The following ILRUN variants were observed in gnomAD, a reference collection of about 807,000 sequenced individuals.
ILRUN encodes the protein inflammation and lipid regulator with UBA-like and NBR1-like domains.
Under a neutral mutation model 33.8 loss-of-function variants are expected in ILRUN, and 3 were observed. That is an observed-to-expected ratio of 0.09 (90% CI 0.04 to 0.23). The LOEUF (loss-of-function observed/expected upper bound fraction) is 0.23. Among genes scored for constraint, ILRUN ranks in the 10% least tolerant of loss-of-function variants. The probability of loss-of-function intolerance (pLI) is 1.00; values close to 1 mark genes in which losing one functional copy is unlikely to be tolerated. For synonymous variants in ILRUN, 124 were observed against 138.9 expected, an observed-to-expected ratio of 0.89 and a Z score of 0.75; for missense variants, 210 against 375.1, an observed-to-expected ratio of 0.56 and a Z score of 3.64.
intron 1 of ILRUN, among the ~76,000 whole-genome samples, chr6:34,667,488 C>A (rs1763028923): frequency 6.6e-6 from 1 of 152,152 alleles, no homozygotes; most frequent in African/African-American, 2.4e-5. Flanking sequence ...AGTATCAACT[C>A]AGTCAAGGAT....
intron 3 of ILRUN, 130 bp from the exon 4 acceptor site, chr6:34,607,034 C>CT (rs1306176269): frequency 2.8e-6 from 2 of 717,590 alleles, no homozygotes; most frequent in Non-Finnish European, 4.5e-6. Flanking sequence ...GTTTTAAAAG[C>CT]TTGCTAACAA....
At chr6:34,678,713 G>A (rs1763290914) in intron 1 of ILRUN, among the ~76,000 whole-genome samples, 1 of 151,384 alleles carries the variant, frequency 6.6e-6, no homozygotes, top group East Asian at 1.9e-4. Context: ...AAATTAGCCG[G>A]GTGTGGTGGC....
intron 4 of ILRUN, among the ~76,000 whole-genome samples, chr6:34,601,516 C>T (rs547391590): frequency 8.0e-4 from 122 of 152,342 alleles, no homozygotes; most frequent in Non-Finnish European, 1.2e-3. Flanking sequence ...AGGACACCAA[C>T]TACCTGCCTT....
chr6:34,605,318 C>CAAAAAAA (rs78612898), intron 4 of ILRUN, among the ~76,000 whole-genome samples: 170 of 74,008 alleles, frequency 2.3e-3, no homozygotes, highest in Middle Eastern at 8.6e-3. Flanking sequence ...AAAACAAAAA[C>CAAAAAAA]AAAAAAAAAA....
At chr6:34,633,871 T>TGGAGGGAGAGAGGGAGGGAGGGAGGGAG (rs1446856497) in intron 3 of ILRUN, among the ~76,000 whole-genome samples, 4 of 58,602 alleles carry the variant, frequency 6.8e-5, no homozygotes. Context: ...GAGGGAGACA[T>TGGAGGGAGAGAGGGAGGGAGGGAGGGAG]GGAGGGAGAG....
At chr6:34,641,649 T>C (rs1762477659) in intron 3 of ILRUN, among the ~76,000 whole-genome samples, 1 of 152,180 alleles carries the variant, frequency 6.6e-6, no homozygotes. Flanking sequence ...ACAAAAATGC[T>C]TGAAAACTAC....
At chr6:34,637,379 T>C (rs9380447) in intron 3 of ILRUN, among the ~76,000 whole-genome samples, 8,068 of 152,274 alleles carry the variant, frequency 0.053, 345 homozygotes, top group East Asian at 0.21. Flanking sequence ...TACAGAATTG[T>C]ACTTGATTTT....
intron 1 of ILRUN, among the ~76,000 whole-genome samples, chr6:34,658,774 C>T (rs1033681266): frequency 6.6e-6 from 1 of 152,084 alleles, no homozygotes; most frequent in African/African-American, 2.4e-5. Context: ...CGCCACTGCA[C>T]TCCAGCCTGG....
At position 34,696,604 on chromosome 6, in the gene ILRUN, G is replaced by T; in HGVS notation, c.-1C>A. 6.2e-7 allele frequency: 1 copy of T among 1,600,732 alleles called. No homozygotes were observed. ...CCAGGTCTACGTCCATGCCCTCCAT[G>T]GCGGGGACCGGACACCCGCTTCCCC... On this transcript the variant is annotated 5_prime_UTR_variant, in exon 1 of 5. Coordinates refer to ENST00000374023, the MANE Select transcript of ILRUN (RefSeq NM_024294.4).
intron 1 of ILRUN, among the ~76,000 whole-genome samples, chr6:34,658,484 CTTTT>C (rs1189830968): frequency 3.0e-5 from 4 of 133,250 alleles, no homozygotes; most frequent in East Asian, 2.4e-4. Context: ...AATAATTTTT[CTTTT>C]TCTTTTTTTT....
At chr6:34,664,100 T>A (rs1398853286) in intron 1 of ILRUN, among the ~76,000 whole-genome samples, 1 of 152,204 alleles carries the variant, frequency 6.6e-6, no homozygotes, top group Non-Finnish European at 1.5e-5. Flanking sequence ...AGAGTGTTGA[T>A]GACGCCATGA....
At chr6:34,680,331 ATGT>A (rs1763333127) in intron 1 of ILRUN, among the ~76,000 whole-genome samples, 1 of 152,216 alleles carries the variant, frequency 6.6e-6, no homozygotes. Flanking sequence ...CACACAAAAT[ATGT>A]TATTAGAATA....
At chr6:34,597,598 C>T (rs1325594826) in intron 4 of ILRUN, among the ~76,000 whole-genome samples, 7 of 152,216 alleles carry the variant, frequency 4.6e-5, no homozygotes, top group Non-Finnish European at 1.0e-4. Flanking sequence ...CAGGCATCAG[C>T]TTGCATAATG....
chr6:34,653,528 GTTAAC>G (rs751405447), intron 2 of ILRUN, among the ~76,000 whole-genome samples: 1 of 152,092 alleles, frequency 6.6e-6, no homozygotes, highest in Non-Finnish European at 1.5e-5. Flanking sequence ...TCAGCCTATG[GTTAAC>G]TTATTTCTAG....
chr6:34,642,495 C>CTA (rs954984666), intron 3 of ILRUN, among the ~76,000 whole-genome samples: 2 of 152,028 alleles, frequency 1.3e-5, no homozygotes, highest in African/African-American at 4.8e-5. Context: ...TCTCAAATAA[C>CTA]TATAACAGGA....
chr6:34,617,701 G>C (rs150664691), intron 3 of ILRUN, among the ~76,000 whole-genome samples: 3 of 152,086 alleles, frequency 2.0e-5, no homozygotes, highest in Non-Finnish European at 2.9e-5. Flanking sequence ...CTGAAACTCC[G>C]CATCCCTACC....
At chr6:34,666,212 C>T (rs949333118) in intron 1 of ILRUN, among the ~76,000 whole-genome samples, 1 of 152,234 alleles carries the variant, frequency 6.6e-6, no homozygotes, top group Non-Finnish European at 1.5e-5. Context: ...CCAGTATCTC[C>T]AAGTACTCTG....
chr6:34,629,813 G>A lies in ILRUN; in HGVS notation c.511+16788C>T, dbSNP rs970671524. Among the ~76,000 whole-genome samples the A allele has an allele frequency of 2.0e-5, 3 of 152,112 alleles. No homozygotes were observed. In the East Asian group the frequency reaches 5.8e-4, roughly 29 times the overall value. On this transcript the variant is annotated intron_variant, in intron 3 of 4. Coordinates refer to ENST00000374023, the MANE Select transcript of ILRUN (RefSeq NM_024294.4). ...ATGTGTGTATGTTACGCCTTTTGTA[G>A]TTGTCCCACAGCTCATGGATACAGG...
At chr6:34,656,480 T>C (rs1762774494) in intron 1 of ILRUN, among the ~76,000 whole-genome samples, 1 of 152,104 alleles carries the variant, frequency 6.6e-6, no homozygotes, top group Non-Finnish European at 1.5e-5. Context: ...AAGGAAATTG[T>C]TGGTAATTAC....
Sources: gnomAD v4.1 joint callset for allele counts (sites outside exome capture counted in the v4.1 genomes callset) on GRCh38, gnomAD v4.1.1 for gene constraint, MANE v1.5 for transcripts, NCBI Gene and HGNC (gene_info 2026-07-23, HGNC 2026-07-21) for gene names.